Variants in TTF2 observed in about 807,000 individuals in gnomAD.
TTF2 encodes the protein RNA polymerase II termination factor.
In TTF2, 108 loss-of-function variants were observed where a neutral mutation model predicts 142.4. That is an observed-to-expected ratio of 0.76 (90% CI 0.65 to 0.89). The LOEUF (loss-of-function observed/expected upper bound fraction) is 0.89. TTF2 is among the 40% of genes least tolerant of loss of function. TTF2 has a pLI of 0.00. For missense variants in TTF2, 1,327 were observed against 1,379.8 expected (o/e 0.96, Z 0.61); for synonymous variants, 483 against 506.2 (o/e 0.95, Z 0.61).
rs1649231425 is a variant in TTF2, at chr1:117,097,278, GACTTAA to G, written c.3187-70_3187-65del. On this transcript the variant is annotated intron_variant, in intron 20 of 22. Coordinates refer to ENST00000369466, the MANE Select transcript of TTF2 (RefSeq NM_003594.4). This position sits in a 1 kb window ranked among gnomAD's most constrained non-coding sequence, Gnocchi z 4.1. ...ACAGTGCTTATCTGTATTGATTGTG[GACTTAA>G]ACCTGAGACCGAGATGTGTTACGAG... The G allele has an allele frequency of 7.6e-7, 1 of 1,311,506 alleles. No homozygotes were observed. The highest frequency in any genetic ancestry group is 1.4e-5 in the African/African-American group (1 of 69,054). The allele number at this position is 1,311,506 out of a possible 1,614,324, so 81.2% of individuals were successfully genotyped here. A position where few individuals can be genotyped will look rare whatever the true frequency, so the allele number is the denominator to read the frequency against.
intron 3 of TTF2, 68 bp downstream of exon 3, chr1:117,062,541 GC>G: frequency 6.9e-7 from 1 of 1,451,634 alleles, no homozygotes; most frequent in Non-Finnish European, 9.4e-7. Flanking sequence ...AAGAGTTGTA[GC>G]CAGGTATGTA....
chr1:117,096,355 G>A, intron 20 of TTF2, 56 bp downstream of exon 20: 1 of 1,573,954 alleles, frequency 6.4e-7, no homozygotes, highest in Non-Finnish European at 8.6e-7. Context: ...TATACAAAGA[G>A]AATTCTTTTT....
chr1:117,106,240 A>G lies in TTF2; in HGVS notation c.*4716A>G, dbSNP rs1649921744. On this transcript the variant is annotated 3_prime_UTR_variant, in exon 23 of 23. Coordinates refer to ENST00000369466, the MANE Select transcript of TTF2 (RefSeq NM_003594.4). ...GGTCATTTATAGTACAAACTACCACAGAAGTCAGTAGTTAGGGGATGGAGA... is the reference window on the plus strand; with the variant it reads ...GGTCATTTATAGTACAAACTACCACGGAAGTCAGTAGTTAGGGGATGGAGA... The G allele has an allele frequency of 6.6e-6, 1 of 151,784 alleles. No individual in the cohort carries two copies. Among genetic ancestry groups the G allele is most frequent in the Non-Finnish European group, 1.5e-5 (1 of 67,974 alleles). The allele number at this position is 151,784 out of a possible 1,614,324, so 9.4% of individuals were successfully genotyped here.
Position 117,095,256 on chromosome 1 carries a change from A to T in TTF2, c.2977-53A>T, listed in dbSNP as rs1187444355. 58 of 1,583,408 alleles carry T rather than the reference A, an allele frequency of 3.7e-5. 1 individual carries two copies. Among genetic ancestry groups the T allele is most frequent in the Non-Finnish European group, 4.9e-5 (56 of 1,152,412 alleles). ...TGCTTCGCATGGCAGGTGAGGGGAG[A>T]TGGAGAAAAGTGAATTGCTTAAACA... On this transcript the variant is annotated intron_variant, in intron 18 of 22. Transcript: ENST00000369466.
rs757847842 is a variant in TTF2 at position 117,086,513 on chromosome 1, C to T, written c.2151C>T (p.Leu717=). 1.9e-5 allele frequency: 30 copies of T among 1,613,648 alleles called. No individual in the cohort carries two copies. Among genetic ancestry groups the T allele is most frequent in the Admixed American group, 3.3e-5 (2 of 59,988 alleles). ...AGGCAGAGATCCCAGGTGCAAACCT[C>T]AATGTGGAGGTGAGGCTGGGGGGCA... The part of the protein sequence containing the change: ...KQEAEIPGAN[L]NVEGTSTPLL... The change falls in exon 12 of 23, where the codon CTC becomes CTT. Residue 717 remains leucine, a synonymous_variant. Coordinates refer to ENST00000369466, the MANE Select transcript of TTF2 (RefSeq NM_003594.4). The surrounding 1 kb of genome is among the most constrained non-coding windows in gnomAD (Gnocchi z 4.2).
chr1:117,076,149 A>C lies in TTF2; in HGVS notation c.1276-31A>C. ...ACTATTCATCTAACAGTGTGAGAGG[A>C]GAGATCCATTTGATGGAATCTGTTT... On this transcript the variant is annotated intron_variant, in intron 5 of 22. Coordinates refer to ENST00000369466, the MANE Select transcript of TTF2 (RefSeq NM_003594.4). This position sits in a 1 kb window ranked among gnomAD's most constrained non-coding sequence, Gnocchi z 4.6. 6.3e-7 allele frequency: 1 copy of C among 1,585,026 alleles called. No homozygotes were observed. The highest frequency in any genetic ancestry group is 8.7e-7 in the Non-Finnish European group (1 of 1,154,686).
At chr1:117,072,266 T>A (rs1049677713) in intron 3 of TTF2, among the ~76,000 whole-genome samples, 3 of 152,082 alleles carry the variant, frequency 2.0e-5, no homozygotes, top group African/African-American at 7.2e-5. Context: ...TAGGGTACTG[T>A]AGCATGAGCT....
intron 3 of TTF2, among the ~76,000 whole-genome samples, chr1:117,062,690 C>A (rs1655783581): frequency 6.6e-6 from 1 of 152,176 alleles, no homozygotes; most frequent in Non-Finnish European, 1.5e-5. Flanking sequence ...ACGTAAATGG[C>A]TCCACAATCA....
Position 117,076,973 on chromosome 1 carries a change from TGAGA to T in TTF2, c.1573+155_1573+158del, listed in dbSNP as rs1657063787. ...GTGAGTACAGTACAGTAAGATATTT[TGAGA>T]GAGAAAGAGACAGAAACCACATTCA... On this transcript the variant is annotated intron_variant, in intron 7 of 22. Transcript: ENST00000369466. This position sits in a 1 kb window ranked among gnomAD's most constrained non-coding sequence, Gnocchi z 4.6. 5 of 517,652 alleles carry T rather than the reference TGAGA, an allele frequency of 9.7e-6. No homozygotes were observed. The highest frequency in any genetic ancestry group is 1.2e-4 in the South Asian group (2 of 16,934). 32.1% of individuals were successfully genotyped at this position (517,652 alleles called of 1,614,324 possible). A position where few individuals can be genotyped will look rare whatever the true frequency, so the allele number is the denominator to read the frequency against.
rs1341848321 is a variant in TTF2 at position 117,102,896 on chromosome 1, C to T, written c.*1372C>T. 6.6e-6 allele frequency: 1 copy of T among 152,208 alleles called. No individual in the cohort carries two copies. Among genetic ancestry groups the T allele is most frequent in the African/African-American group, 2.4e-5 (1 of 41,444 alleles). The allele number at this position is 152,208 out of a possible 1,614,324, so 9.4% of individuals were successfully genotyped here. ...TAATGCTATGTGTTCACCAAACCCACTTCCTTTTCCTCCCGGGCACCCAGA... is the reference window on the plus strand; with the variant it reads ...TAATGCTATGTGTTCACCAAACCCATTTCCTTTTCCTCCCGGGCACCCAGA... On this transcript the variant is annotated 3_prime_UTR_variant, in exon 23 of 23. Coordinates refer to ENST00000369466, the MANE Select transcript of TTF2 (RefSeq NM_003594.4).
At position 117,104,063 on chromosome 1, in the gene TTF2, T is replaced by C. The variant is rs1449870221; in HGVS notation, c.*2539T>C. The C allele has an allele frequency of 6.6e-6, 1 of 152,202 alleles. No individual in the cohort carries two copies. The highest frequency in any genetic ancestry group is 1.9e-4 in the East Asian group (1 of 5,198). 9.4% of individuals were successfully genotyped at this position (152,202 alleles called of 1,614,324 possible). ...CAGAACTTAGCAGCAATAAGGTTTC[T>C]GATAAAATCAAGAAGCAAAGGAAGT... On this transcript the variant is annotated 3_prime_UTR_variant, in exon 23 of 23. Coordinates refer to ENST00000369466, the MANE Select transcript of TTF2 (RefSeq NM_003594.4).
rs1649235196 is a variant in TTF2 at position 117,097,315 on chromosome 1, G to C, written c.3187-36G>C. On this transcript the variant is annotated intron_variant, in intron 20 of 22. Transcript: ENST00000369466. The surrounding 1 kb of genome is among the most constrained non-coding windows in gnomAD (Gnocchi z 4.1). Reference sequence around the variant, plus strand: ...AGACCGAGATGTGTTACGAGACCAAGTCTGTTTAAAGTTAATGTTGTGTTT... The same window carrying C: ...AGACCGAGATGTGTTACGAGACCAACTCTGTTTAAAGTTAATGTTGTGTTT... 1 of 1,595,940 alleles carries C rather than the reference G, an allele frequency of 6.3e-7. No individual in the cohort carries two copies. Among genetic ancestry groups the C allele is most frequent in the Non-Finnish European group, 8.6e-7 (1 of 1,163,484 alleles).
At chr1:117,084,726 C>T (rs1048422054) in intron 11 of TTF2, among the ~76,000 whole-genome samples, 2 of 152,138 alleles carry the variant, frequency 1.3e-5, no homozygotes, top group Non-Finnish European at 2.9e-5. Context: ...AATCTTAGTC[C>T]TAGTCTTTGT....
Position 117,094,783 on chromosome 1 carries a change from A to G in TTF2, c.2977-526A>G, listed in dbSNP as rs1238272767. ...GGAAGCAAGAGATAATAAGCAATTA[A>G]TATACAGTATGACAAGGACCGTGAT... On this transcript the variant is annotated intron_variant, in intron 18 of 22. Coordinates refer to ENST00000369466, the MANE Select transcript of TTF2 (RefSeq NM_003594.4). 1.8e-5 allele frequency: 7 copies of G among 390,020 alleles called. No individual in the cohort carries two copies. The Admixed American group carries it at 2.2e-4, about 12-fold the overall frequency. 24.2% of individuals were successfully genotyped at this position (390,020 alleles called of 1,614,324 possible). A position where few individuals can be genotyped will look rare whatever the true frequency, so the allele number is the denominator to read the frequency against.
chr1:117,076,461 T>A lies in TTF2; in HGVS notation c.1390+167T>A. 1 of 933,166 alleles carries A rather than the reference T, an allele frequency of 1.1e-6. No homozygotes were observed. Among genetic ancestry groups the A allele is most frequent in the Non-Finnish European group, 1.6e-6 (1 of 628,646 alleles). The allele number at this position is 933,166 out of a possible 1,614,324, so 57.8% of individuals were successfully genotyped here. On this transcript the variant is annotated intron_variant, in intron 6 of 22. Transcript: ENST00000369466. This position sits in a 1 kb window ranked among gnomAD's most constrained non-coding sequence, Gnocchi z 4.6. ...CTATGGTTCATAAAAAACTTTCTCC[T>A]GTTTCCTGTGGACTCTACTTTCTTC... is the stretch of plus-strand genomic sequence containing the variant.
rs1275407808 is a variant in TTF2 at position 117,093,442 on chromosome 1, C to G, written c.2976+541C>G. Among the ~76,000 whole-genome samples the G allele has an allele frequency of 6.6e-6, 1 of 152,164 alleles. No individual in the cohort carries two copies. The highest frequency in any genetic ancestry group is 1.9e-4 in the East Asian group (1 of 5,196). On this transcript the variant is annotated intron_variant, in intron 18 of 22. Transcript: ENST00000369466. This position sits in a 1 kb window ranked among gnomAD's most constrained non-coding sequence, Gnocchi z 4.5. ...GGCTTAGATATGCCGTAACCTGAAT[C>G]CTGCCTGTCTGCTGGCTCGGAATGT...
chr1:117,095,288 G>A lies in TTF2; in HGVS notation c.2977-21G>A, dbSNP rs1480381267. The A allele has an allele frequency of 4.3e-6, 7 of 1,613,276 alleles. No individual in the cohort carries two copies. In the South Asian group the frequency reaches 7.7e-5, roughly 18 times the overall value. Reference sequence around the variant, plus strand: ...AAAGTGAATTGCTTAAACATACAATGTTGATGTAACCTTTTCCCAGATTTC... The same window carrying A: ...AAAGTGAATTGCTTAAACATACAATATTGATGTAACCTTTTCCCAGATTTC... On this transcript the variant is annotated intron_variant, in intron 18 of 22. Transcript: ENST00000369466.
chr1:117,069,407 C>T (rs1339516689), intron 3 of TTF2, among the ~76,000 whole-genome samples: 1 of 152,158 alleles, frequency 6.6e-6, no homozygotes, highest in Non-Finnish European at 1.5e-5. Flanking sequence ...TGAAGTTGTC[C>T]TTGAATGACC....
In TTF2 at chr1:117,101,892, G is replaced by A. The variant is rs946131362; in HGVS notation, c.*368G>A. On this transcript the variant is annotated 3_prime_UTR_variant, in exon 23 of 23. Transcript: ENST00000369466. This position sits in a 1 kb window ranked among gnomAD's most constrained non-coding sequence, Gnocchi z 5.9. ...TGTGGTGGCTCATGCCTGTAATCCC[G>A]ACACTTTGGGAGGCCAAGGCAGGAG... 3.8e-5 allele frequency: 6 copies of A among 159,668 alleles called. No individual in the cohort carries two copies. Among genetic ancestry groups the A allele is most frequent in the East Asian group, 1.8e-4 (1 of 5,626 alleles). The allele number at this position is 159,668 out of a possible 1,614,324, so 9.9% of individuals were successfully genotyped here. A position where few individuals can be genotyped will look rare whatever the true frequency, so the allele number is the denominator to read the frequency against.
Sources: allele counts gnomAD v4.1 joint callset (sites outside exome capture counted in the v4.1 genomes callset), GRCh38; gene constraint gnomAD v4.1.1; non-coding constraint Gnocchi (gnomAD v3.1); transcripts MANE v1.5; gene names NCBI Gene and HGNC (gene_info 2026-07-23, HGNC 2026-07-21).